Variants in ANKRD2 observed in about 807,000 individuals in gnomAD.
ANKRD2 encodes ankyrin repeat domain 2, also known as ankyrin repeat domain-containing protein 2.
In ANKRD2, 35 loss-of-function variants were observed where a neutral mutation model predicts 37.3. That is an observed-to-expected ratio of 0.94 (90% CI 0.72 to 1.24). The LOEUF (loss-of-function observed/expected upper bound fraction) is 1.24. Among genes scored for constraint, ANKRD2 ranks in the 50% most tolerant of loss-of-function variants. The pLI, the probability that ANKRD2 is intolerant of heterozygous loss-of-function variation, is 0.00. For synonymous variants in ANKRD2, 159 were observed against 186.5 expected (o/e 0.85, Z 1.20); for missense variants, 410 against 445.6 (o/e 0.92, Z 0.72).
chr10:97,582,574 G>A, intron 7 of ANKRD2, 30 bp from the exon 8 acceptor site: 3 of 1,607,052 alleles, frequency 1.9e-6, no homozygotes, highest in Non-Finnish European at 2.6e-6. Flanking sequence ...CTGCCCACAA[G>A]GGCCATAGTG....
At chr10:97,581,260 C>A (rs1184887593) in intron 5 of ANKRD2, 56 bp from the exon 6 acceptor site, 3 of 1,554,214 alleles carry the variant, frequency 1.9e-6, no homozygotes, top group South Asian at 2.3e-5. Context: ...GGTACATTAC[C>A]CCCGAATACT....
chr10:97,578,685 G>C (rs924103297), intron 4 of ANKRD2, 80 bp downstream of exon 4: 21 of 1,162,408 alleles, frequency 1.8e-5, no homozygotes, highest in African/African-American at 3.1e-5. Flanking sequence ...TCAGCCCACT[G>C]TGAGCCTATT....
Position 97,583,867 on chromosome 10 carries a change from A to C in ANKRD2, c.*142A>C. ...CACATACCACAAACTACCACAATAA[A>C]AAAGCTGTTTTTGCTAATTGCGATG... On this transcript the variant is annotated 3_prime_UTR_variant, in exon 9 of 9. Coordinates refer to ENST00000370655, the MANE Select transcript of ANKRD2 (RefSeq NM_001346793.2). 1.0e-6 allele frequency: 1 copy of C among 988,704 alleles called. No individual in the cohort carries two copies. The highest frequency in any genetic ancestry group is 3.6e-5 in the South Asian group (1 of 27,470). The allele number at this position is 988,704 out of a possible 1,614,324, so 61.2% of individuals were successfully genotyped here. A position where few individuals can be genotyped will look rare whatever the true frequency, so the allele number is the denominator to read the frequency against.
intron 4 of ANKRD2, 55 bp downstream of exon 4, chr10:97,578,660 C>T: frequency 7.3e-7 from 1 of 1,361,416 alleles, no homozygotes. Context: ...ACCCCCACTC[C>T]GTTCGGCTCC....
chr10:97,583,040 G>C (rs1037215226), intron 8 of ANKRD2, among the ~76,000 whole-genome samples: 2 of 152,204 alleles, frequency 1.3e-5, no homozygotes, highest in Non-Finnish European at 2.9e-5. Flanking sequence ...CGAGCACTCA[G>C]CTGGCATGAC....
chr10:97,578,295 TG>T lies in ANKRD2; in HGVS notation c.248del (p.Gly83AlafsTer44). 6.2e-7 allele frequency: 1 copy of T among 1,612,894 alleles called. No homozygotes were observed. The highest frequency in any genetic ancestry group is 8.5e-7 in the Non-Finnish European group (1 of 1,179,886). ...SLDLRREIID[V>X]GGIQNLIELR... is the part of the protein sequence containing the mutation. ...GACCTGCGGCGGGAGATCATCGATG[TG>T]GGCGGGATCCAGAACCTCATCGAGC... On this transcript the variant is annotated frameshift_variant, in exon 3 of 9. Coordinates refer to ENST00000370655, the MANE Select transcript of ANKRD2 (RefSeq NM_001346793.2). LOFTEE classifies it high-confidence loss of function.
chr10:97,580,830 G>T, intron 4 of ANKRD2, 25 bp from the exon 5 acceptor site: 1 of 1,585,386 alleles, frequency 6.3e-7, no homozygotes, highest in African/African-American at 1.3e-5. Flanking sequence ...CAGAGGCCAG[G>T]CCCTGACAGC....
rs1303369244 is a variant in ANKRD2 at position 97,582,594 on chromosome 10, C to G, written c.754-10C>G. On this transcript the variant is annotated splice_polypyrimidine_tract_variant and intron_variant, in intron 7 of 8. Coordinates refer to ENST00000370655, the MANE Select transcript of ANKRD2 (RefSeq NM_001346793.2). ...CACAAGGGCCATAGTGAGTGCCACA[C>G]TGACTCTAGGAAGGGGATACTGCCC... is the stretch of plus-strand genomic sequence containing the variant. 6.2e-7 allele frequency: 1 copy of G among 1,613,232 alleles called. No individual in the cohort carries two copies. The highest frequency in any genetic ancestry group is 8.5e-7 in the Non-Finnish European group (1 of 1,179,280).
At chr10:97,578,420 C>A (rs1190843376) in intron 3 of ANKRD2, 22 bp downstream of exon 3, 1 of 1,612,888 alleles carries the variant, frequency 6.2e-7, no homozygotes, top group Non-Finnish European at 8.5e-7. Context: ...GGGGAGGACA[C>A]CGCGAGGGGG....
At chr10:97,574,627 C>T (rs2040801131) in intron 1 of ANKRD2, among the ~76,000 whole-genome samples, 1 of 151,964 alleles carries the variant, frequency 6.6e-6, no homozygotes. Context: ...CTGGCCCTAG[C>T]AGGAATGGAG....
rs1303171830 is a variant in ANKRD2 at position 97,583,684 on chromosome 10, G to A, written c.961G>A (p.Asp321Asn). The A allele has an allele frequency of 1.3e-6, 2 of 1,596,646 alleles. No homozygotes were observed. The highest frequency in any genetic ancestry group is 1.4e-5 in the African/African-American group (1 of 73,640). ...GCATAACGGGCTGGAGGGGCCTAATGATAGTGGGCGAGAGACCCCTCAGCC... is the reference window on the plus strand; with the variant it reads ...GCATAACGGGCTGGAGGGGCCTAATAATAGTGGGCGAGAGACCCCTCAGCC... ...AEHNGLEGPN[D>N]SGRETPQPVP... The change falls in exon 9 of 9, where the codon GAT (aspartate) becomes AAT (asparagine). Residue 321 changes from aspartate to asparagine, a missense_variant. Asp to Asn is a conservative substitution (Grantham distance 23). Coordinates refer to ENST00000370655, the MANE Select transcript of ANKRD2 (RefSeq NM_001346793.2).
At chr10:97,580,793 G>A (rs1165777190) in intron 4 of ANKRD2, 62 bp from the exon 5 acceptor site, 1 of 1,303,660 alleles carries the variant, frequency 7.7e-7, no homozygotes, top group Non-Finnish European at 1.1e-6. Flanking sequence ...CCTCAGCTTG[G>A]GTGGGAGATG....
intron 1 of ANKRD2, among the ~76,000 whole-genome samples, chr10:97,574,454 G>A (rs1296809562): frequency 6.6e-6 from 1 of 152,184 alleles, no homozygotes; most frequent in Non-Finnish European, 1.5e-5. Context: ...GGTAGTAGGG[G>A]CTAAGGCTGG....
upstream of ANKRD2, chr10:97,572,612 T>TCTGCTCCCTGGCCCTGGCTCCCC: frequency 1.4e-6 from 2 of 1,436,866 alleles, no homozygotes; most frequent in East Asian, 2.5e-5. Context: ...GGCAACTGGC[T>TCTGCTCCCTGGCCCTGGCTCCCC]CTGCTCCCTG....
At position 97,581,421 on chromosome 10, in the gene ANKRD2, CA is replaced by C. The variant is rs752356165; in HGVS notation, c.654+12del. 19 of 1,613,432 alleles carry C rather than the reference CA, an allele frequency of 1.2e-5. No homozygotes were observed. The South Asian group carries it at 2.0e-4, about 17-fold the overall frequency. On this transcript the variant is annotated splice_region_variant and intron_variant, in intron 6 of 8. Transcript: ENST00000370655. ...CACCAATGTGAGGGATAAGGTGAGG[CA>C]AAAACACTCAGAAGCAACAGATATT...
In ANKRD2 at chr10:97,580,843, C is replaced by A; in HGVS notation, c.457-12C>A. The A allele has an allele frequency of 1.2e-6, 2 of 1,605,702 alleles. No homozygotes were observed. The highest frequency in any genetic ancestry group is 2.2e-5 in the South Asian group (2 of 89,556). ...GCCAGAGGCCAGGCCCTGACAGCCT[C>A]TCTGGGGACAGTTCCGTCGGACAGC... On this transcript the variant is annotated splice_polypyrimidine_tract_variant and intron_variant, in intron 4 of 8. Transcript: ENST00000370655.
At chr10:97,574,171 T>C (rs1328981407) in intron 1 of ANKRD2, among the ~76,000 whole-genome samples, 1 of 152,050 alleles carries the variant, frequency 6.6e-6, no homozygotes, top group African/African-American at 2.4e-5. Flanking sequence ...TAATCCCAGC[T>C]ACTCAGGAGG....
At chr10:97,582,258 C>T (rs1188412613) in intron 6 of ANKRD2, 57 bp from the exon 7 acceptor site, 2 of 1,455,402 alleles carry the variant, frequency 1.4e-6, no homozygotes, top group African/African-American at 1.4e-5. Flanking sequence ...CCCGCCTTCC[C>T]AGGGGTACCA....
intron 4 of ANKRD2, among the ~76,000 whole-genome samples, chr10:97,579,283 T>C (rs2040867508): frequency 6.6e-6 from 1 of 151,992 alleles, no homozygotes; most frequent in African/African-American, 2.4e-5. Context: ...ATGATATTTT[T>C]GTTTCTCATG....
Sources: gnomAD v4.1 joint callset for allele counts (sites outside exome capture counted in the v4.1 genomes callset) on GRCh38, gnomAD v4.1.1 for gene constraint, MANE v1.5 for transcripts, NCBI Gene and HGNC (gene_info 2026-07-23, HGNC 2026-07-21) for gene names.